RNF10: variants seen among roughly 807,000 people sequenced by gnomAD.
The protein encoded by RNF10 is E3 ubiquitin-protein ligase RNF10.
In RNF10, 38 loss-of-function variants were observed where a neutral mutation model predicts 91.4. The ratio of observed to expected loss-of-function variants is 0.42; its 90% CI spans 0.32 to 0.54. RNF10 has a LOEUF of 0.54. Among genes scored for constraint, RNF10 ranks in the 20% least tolerant of loss-of-function variants. RNF10 has a pLI of 0.16. For missense variants in RNF10, 945 were observed against 1,012.0 expected, an observed-to-expected ratio of 0.93 and a Z score of 0.90; for synonymous variants, 364 against 366.3, an observed-to-expected ratio of 0.99 and a Z score of 0.07.
intron 1 of RNF10, among the ~76,000 whole-genome samples, chr12:120,539,927 C>T (rs1871317715): frequency 6.6e-6 from 1 of 151,828 alleles, no homozygotes; most frequent in Admixed American, 6.6e-5. Context: ...CCTCTGCCTT[C>T]CCGGTTTAAG....
chr12:120,541,409 G>A (rs1454519900), intron 1 of RNF10, among the ~76,000 whole-genome samples: 2 of 151,350 alleles, frequency 1.3e-5, no homozygotes, highest in Non-Finnish European at 2.9e-5. Flanking sequence ...GGCTGAGTTA[G>A]CTGGGGTTCT....
chr12:120,549,780 A>G (rs907997749), intron 2 of RNF10, among the ~76,000 whole-genome samples: 2 of 152,206 alleles, frequency 1.3e-5, no homozygotes, highest in Admixed American at 6.5e-5. Flanking sequence ...GCAAGACTCC[A>G]TCTCCAAATA....
intron 4 of RNF10, among the ~76,000 whole-genome samples, chr12:120,556,530 CAAAAA>C (rs34889649): frequency 5.2e-5 from 1 of 19,216 alleles, no homozygotes; most frequent in African/African-American, 2.2e-4. Context: ...GACTCCGTCT[CAAAAA>C]AAAAAAAAAA....
At chr12:120,556,553 A>AAC (rs1555227193) in intron 4 of RNF10, among the ~76,000 whole-genome samples, 3 of 148,950 alleles carry the variant, frequency 2.0e-5, no homozygotes, top group African/African-American at 7.6e-5. Flanking sequence ...AAAAAAAAAA[A>AAC]AAAAGCTTGA....
intron 2 of RNF10, among the ~76,000 whole-genome samples, chr12:120,551,290 GTTTTTTTT>G (rs63002361): frequency 8.4e-5 from 7 of 83,202 alleles, no homozygotes; most frequent in African/African-American, 9.5e-5. Context: ...CCATCCTAGT[GTTTTTTTT>G]TTTTTTTTTT....
In RNF10 at chr12:120,534,919, GC is replaced by G. The variant is rs1870508282; in HGVS notation, c.112del (p.Arg38AlafsTer82). The G allele has an allele frequency of 1.2e-6, 2 of 1,605,732 alleles. No individual in the cohort carries two copies. ...SSGSSKGQQP[P>X]RSASAGPAGE... Reference sequence around the variant, plus strand: ...CGGGCAGCAGCAAAGGGCAACAGCCGCCCCGCTCCGCCTCGGCGGGGCCAGC... The same window carrying G: ...CGGGCAGCAGCAAAGGGCAACAGCCGCCCGCTCCGCCTCGGCGGGGCCAGC... On this transcript the variant is annotated frameshift_variant, in exon 1 of 17. Coordinates refer to ENST00000325954, the MANE Select transcript of RNF10 (RefSeq NM_014868.5). LOFTEE classifies it high-confidence loss of function.
intron 2 of RNF10, among the ~76,000 whole-genome samples, chr12:120,551,334 T>C (rs549375744): frequency 1.4e-5 from 2 of 141,270 alleles, no homozygotes; most frequent in East Asian, 4.3e-4. Context: ...TTGCTCTTGA[T>C]GCCAGGCTGG....
chr12:120,561,013 C>A (rs1874766197), intron 7 of RNF10, 127 bp downstream of exon 7: 1 of 935,548 alleles, frequency 1.1e-6, no homozygotes, highest in Non-Finnish European at 1.5e-6. Context: ...TAAGTTAGTT[C>A]CATTCCACAT....
intron 1 of RNF10, among the ~76,000 whole-genome samples, chr12:120,540,670 C>T (rs887695304): frequency 3.9e-5 from 6 of 152,090 alleles, no homozygotes; most frequent in Non-Finnish European, 8.8e-5. Context: ...AGACGAGAAA[C>T]GAGTTGATTT....
At position 120,552,639 on chromosome 12, in the gene RNF10, G is replaced by C; in HGVS notation, c.495G>C (p.Trp165Cys). The stretch of plus-strand genomic sequence containing the variant: ...TTGAAGGCAGTGGACATGGTAGCTG[G>C]GGAAAGAGGAACAAGTGGGGACATA... ...GHFEGSGHGS[W>C]GKRNKWGHKP... The change falls in exon 3 of 17, where the codon TGG becomes TGC. Residue 165 changes from tryptophan (W) to cysteine (C), a missense_variant. Physicochemically the swap from Trp to Cys is radical, Grantham distance 215. Coordinates refer to ENST00000325954, the MANE Select transcript of RNF10 (RefSeq NM_014868.5). The C allele has an allele frequency of 6.2e-7, 1 of 1,614,092 alleles. No homozygotes were observed. Among genetic ancestry groups the C allele is most frequent in the Non-Finnish European group, 8.5e-7 (1 of 1,179,984 alleles).
At chr12:120,548,653 T>A (rs1377864207) in intron 2 of RNF10, among the ~76,000 whole-genome samples, 4 of 139,686 alleles carry the variant, frequency 2.9e-5, no homozygotes, top group African/African-American at 9.9e-5. Context: ...AGGGATTTTT[T>A]TTCTTTCTTT....
intron 12 of RNF10, among the ~76,000 whole-genome samples, chr12:120,566,057 C>T (rs1016233331): frequency 4.6e-5 from 7 of 152,170 alleles, no homozygotes; most frequent in African/African-American, 1.7e-4. Flanking sequence ...GTCCCATTAT[C>T]CACTAGAACA....
chr12:120,565,012 AC>A (rs1565965914), intron 10 of RNF10, 59 bp from the exon 11 acceptor site: 1 of 1,125,076 alleles, frequency 8.9e-7, no homozygotes, highest in Non-Finnish European at 1.4e-6. Context: ...CGGGGTTAGG[AC>A]CCCCTGCTTT....
chr12:120,539,408 T>G (rs1242980842), intron 1 of RNF10: 1 of 1,289,054 alleles, frequency 7.8e-7, no homozygotes, highest in Non-Finnish European at 1.0e-6. Flanking sequence ...TGTCAGTTGA[T>G]TCTGTAGTAA....
intron 12 of RNF10, among the ~76,000 whole-genome samples, 167 bp from the exon 13 acceptor site, chr12:120,566,658 A>G (rs904908061): frequency 1.3e-5 from 2 of 151,484 alleles, no homozygotes; most frequent in African/African-American, 4.9e-5. Context: ...GCTACTCGGG[A>G]GGCTGAGGTG....
chr12:120,543,852 G>T (rs1871915767), intron 1 of RNF10, among the ~76,000 whole-genome samples: 1 of 151,934 alleles, frequency 6.6e-6, no homozygotes, highest in African/African-American at 2.4e-5. Context: ...TGCAGTCCTA[G>T]CTGGGAGGCT....
chr12:120,558,764 G>A (rs1280551997), intron 6 of RNF10, among the ~76,000 whole-genome samples: 1 of 151,218 alleles, frequency 6.6e-6, no homozygotes, highest in African/African-American at 2.4e-5. Context: ...TAGAGACGGG[G>A]TTTCACCATG....
chr12:120,557,747 C>G (rs555916791), intron 6 of RNF10, 65 bp downstream of exon 6: 3 of 1,560,920 alleles, frequency 1.9e-6, no homozygotes, highest in African/African-American at 1.4e-5. Context: ...TTGAATATAT[C>G]TAAGCATCAG....
At chr12:120,554,895 A>G in intron 4 of RNF10, 87 bp downstream of exon 4, 2 of 1,001,012 alleles carry the variant, frequency 2.0e-6, no homozygotes, top group Admixed American at 1.8e-5. Context: ...GGCTGTGTGC[A>G]CTGCTTGATA....
Sources: allele counts gnomAD v4.1 joint callset (sites outside exome capture counted in the v4.1 genomes callset), GRCh38; gene constraint gnomAD v4.1.1; transcripts MANE v1.5; gene names NCBI Gene and HGNC (gene_info 2026-07-23, HGNC 2026-07-21).